IL22RA2: variants seen among roughly 807,000 people sequenced by gnomAD.
IL22RA2 encodes the protein interleukin-22 receptor subunit alpha-2.
IL22RA2 carries 39 observed loss-of-function variants against 30.7 expected under a neutral mutation model. The observed-to-expected ratio is 1.27, with a 90% CI of 0.98 to 1.66. The LOEUF is 1.66. Among genes scored for constraint, IL22RA2 ranks in the 40% most tolerant of loss-of-function variants. The probability of loss-of-function intolerance (pLI) is 0.00; values close to 1 mark genes in which losing one functional copy is unlikely to be tolerated. For synonymous variants in IL22RA2, 103 were observed against 105.0 expected (o/e 0.98, Z 0.11); for missense variants, 315 against 312.7 (o/e 1.01, Z -0.05).
In IL22RA2 at chr6:137,155,591, T is replaced by C. The variant is rs200297923; in HGVS notation, c.294-472A>G. 2.9e-4 allele frequency among the ~76,000 whole-genome samples: 44 copies of C among 151,984 alleles called. No individual in the cohort carries two copies. The East Asian group carries it at 8.3e-3, about 29-fold the overall frequency. The stretch of plus-strand genomic sequence containing the variant: ...CCCACTTCCTCAATAACACATTAAT[T>C]CGTTAATCCATCAATGGATGAATCC... On this transcript the variant is annotated intron_variant, in intron 4 of 6. Transcript: ENST00000296980.
intron 2 of IL22RA2, among the ~76,000 whole-genome samples, chr6:137,161,289 C>T (rs1038808801): frequency 2.6e-5 from 4 of 152,178 alleles, no homozygotes; most frequent in African/African-American, 9.7e-5. Flanking sequence ...ACCATGATAG[C>T]TTGGCTTAGG....
intron 1 of IL22RA2, among the ~76,000 whole-genome samples, chr6:137,163,176 T>C (rs547744671): frequency 7.4e-4 from 112 of 152,348 alleles, no homozygotes; most frequent in African/African-American, 2.4e-3. Context: ...AATGTTGTAA[T>C]GCTGCCTTTG....
chr6:137,157,922 CT>C, intron 3 of IL22RA2, among the ~76,000 whole-genome samples: 1 of 152,196 alleles, frequency 6.6e-6, no homozygotes, highest in East Asian at 1.9e-4. Flanking sequence ...CTGAAAGTGA[CT>C]TTTAAATTAA....
At chr6:137,153,174 G>A (rs1778326254) in intron 5 of IL22RA2, among the ~76,000 whole-genome samples, 1 of 152,126 alleles carries the variant, frequency 6.6e-6, no homozygotes, top group South Asian at 2.1e-4. Context: ...CCTTGTTCAT[G>A]AGCATAGTAC....
chr6:137,165,248 C>G (rs1778605516), intron 1 of IL22RA2, among the ~76,000 whole-genome samples: 1 of 152,168 alleles, frequency 6.6e-6, no homozygotes, highest in South Asian at 2.1e-4. Context: ...AGATAAAAGT[C>G]CCGGTGAATT....
At chr6:137,150,457 TTTTTCTTTTC>T (rs1236077001) in intron 5 of IL22RA2, among the ~76,000 whole-genome samples, 4 of 151,472 alleles carry the variant, frequency 2.6e-5, no homozygotes, top group Admixed American at 6.6e-5. Context: ...GTCTAAAGCT[TTTTTCTTTTC>T]TTTTCTTTTC....
chr6:137,165,058 G>C (rs1190693069), intron 1 of IL22RA2, among the ~76,000 whole-genome samples: 2 of 152,168 alleles, frequency 1.3e-5, no homozygotes, highest in Non-Finnish European at 1.5e-5. Flanking sequence ...TCAAGCACAG[G>C]AGATATCAGG....
chr6:137,156,891 G>C (rs1316180281), intron 3 of IL22RA2, 37 bp from the exon 4 acceptor site: 24 of 1,592,874 alleles, frequency 1.5e-5, no homozygotes, highest in Non-Finnish European at 2.1e-5. Context: ...ATCGTGTGAA[G>C]AGGCCAAACT....
At position 137,145,305 on chromosome 6, in the gene IL22RA2, A is replaced by C. The variant is rs1284457850; in HGVS notation, c.*319T>G. On this transcript the variant is annotated 3_prime_UTR_variant, in exon 7 of 7. Coordinates refer to ENST00000296980, the MANE Select transcript of IL22RA2 (RefSeq NM_052962.3). ...ACTATTCCTTGGTTGTTAAATTTTT[A>C]TTTTGCTGTATTAGAAGAATGAAGG... 1 of 183,742 alleles carries C rather than the reference A, an allele frequency of 5.4e-6. No individual in the cohort carries two copies. The highest frequency in any genetic ancestry group is 1.1e-5 in the Non-Finnish European group (1 of 89,832). 11.4% of individuals were successfully genotyped at this position (183,742 alleles called of 1,614,324 possible). A position where few individuals can be genotyped will look rare whatever the true frequency, so the allele number is the denominator to read the frequency against.
chr6:137,148,799 T>G (rs984554955), intron 5 of IL22RA2, among the ~76,000 whole-genome samples: 6 of 152,190 alleles, frequency 3.9e-5, no homozygotes, highest in African/African-American at 1.2e-4. Flanking sequence ...AATAAACATG[T>G]CCCTTTTGTA....
chr6:137,153,891 G>T (rs1261276577), intron 5 of IL22RA2, among the ~76,000 whole-genome samples: 1 of 152,166 alleles, frequency 6.6e-6, no homozygotes, highest in Non-Finnish European at 1.5e-5. Flanking sequence ...GAAAGTGAAT[G>T]TTGAGTTTAT....
intron 5 of IL22RA2, among the ~76,000 whole-genome samples, chr6:137,153,558 T>C (rs1582879158): frequency 6.6e-6 from 1 of 152,306 alleles, no homozygotes; most frequent in East Asian, 1.9e-4. Flanking sequence ...CTTGAATTCT[T>C]CTGGTTTATA....
intron 2 of IL22RA2, among the ~76,000 whole-genome samples, chr6:137,160,113 A>G (rs896087556): frequency 6.6e-6 from 1 of 152,258 alleles, no homozygotes; most frequent in Non-Finnish European, 1.5e-5. Context: ...TCTTTAGAAC[A>G]TAAACATTCC....
chr6:137,172,726 A>G (rs563442089), intron 1 of IL22RA2, among the ~76,000 whole-genome samples: 1 of 152,312 alleles, frequency 6.6e-6, no homozygotes, highest in South Asian at 2.1e-4. Context: ...GACTCTGGAG[A>G]GAACTTGCTT....
At chr6:137,166,752 T>C (rs1778634193) in intron 1 of IL22RA2, among the ~76,000 whole-genome samples, 2 of 152,164 alleles carry the variant, frequency 1.3e-5, no homozygotes, top group Non-Finnish European at 2.9e-5. Flanking sequence ...CATAAAACAG[T>C]TTCATCAAGG....
intron 1 of IL22RA2, among the ~76,000 whole-genome samples, chr6:137,172,300 G>A (rs945200979): frequency 6.6e-6 from 1 of 152,202 alleles, no homozygotes; most frequent in Admixed American, 6.5e-5. Flanking sequence ...ATTAGGCGGA[G>A]TGGGATAAGC....
Position 137,145,350 on chromosome 6 carries a change from A to G in IL22RA2, c.*274T>C. On this transcript the variant is annotated 3_prime_UTR_variant, in exon 7 of 7. Coordinates refer to ENST00000296980, the MANE Select transcript of IL22RA2 (RefSeq NM_052962.3). ...TGAAGGTTGTTATTAGGGATGTTAC[A>G]TTCAGAAATAAAGTTCTGAATTTCA... The G allele has an allele frequency of 3.7e-6, 1 of 273,122 alleles. No homozygotes were observed. Among genetic ancestry groups the G allele is most frequent in the Non-Finnish European group, 6.8e-6 (1 of 147,520 alleles). 16.9% of individuals were successfully genotyped at this position (273,122 alleles called of 1,614,324 possible).
At chr6:137,157,990 A>G (rs191581098) in intron 3 of IL22RA2, among the ~76,000 whole-genome samples, 50 of 152,306 alleles carry the variant, frequency 3.3e-4, no homozygotes, top group Non-Finnish European at 5.9e-4. Flanking sequence ...TCAACTACCG[A>G]TAGTTTCACT....
At chr6:137,165,367 C>G (rs1235738606) in intron 1 of IL22RA2, among the ~76,000 whole-genome samples, 1 of 152,140 alleles carries the variant, frequency 6.6e-6, no homozygotes, top group Non-Finnish European at 1.5e-5. Flanking sequence ...TGCAAGAAGA[C>G]ATCGGAAGTT....
Sources: gnomAD v4.1 joint callset for allele counts (sites outside exome capture counted in the v4.1 genomes callset) on GRCh38, gnomAD v4.1.1 for gene constraint, MANE v1.5 for transcripts, NCBI Gene and HGNC (gene_info 2026-07-23, HGNC 2026-07-21) for gene names.